Variants in TMEM108 observed in about 807,000 individuals in gnomAD.
TMEM108 encodes the protein transmembrane protein 108.
In TMEM108, 12 loss-of-function variants were observed where a neutral mutation model predicts 35.1. The observed-to-expected ratio is 0.34, with a 90% confidence interval of 0.22 to 0.55. The LOEUF (loss-of-function observed/expected upper bound fraction) is 0.55. Among genes scored for constraint, TMEM108 ranks in the 20% least tolerant of loss-of-function variants. The pLI, the probability that TMEM108 is intolerant of heterozygous loss-of-function variation, is 0.89. For synonymous variants in TMEM108, 287 were observed against 308.6 expected, an observed-to-expected ratio of 0.93 and a Z score of 0.73; for missense variants, 680 against 753.3, an observed-to-expected ratio of 0.90 and a Z score of 1.14.
At chr3:133,091,298 C>CT (rs1300457766) in intron 2 of TMEM108, among the ~76,000 whole-genome samples, 2 of 152,102 alleles carry the variant, frequency 1.3e-5, no homozygotes, top group Admixed American at 6.5e-5. Flanking sequence ...TTACAGGGAT[C>CT]TTCTGTTCAG....
intron 2 of TMEM108, among the ~76,000 whole-genome samples, chr3:133,053,281 T>G (rs1943428256): frequency 6.6e-6 from 1 of 152,202 alleles, no homozygotes; most frequent in African/African-American, 2.4e-5. Context: ...AAGTAGACTC[T>G]TGTCTACATG....
chr3:133,288,639 G>A (rs889570794), intron 3 of TMEM108, among the ~76,000 whole-genome samples: 12 of 152,150 alleles, frequency 7.9e-5, no homozygotes, highest in African/African-American at 1.4e-4. Flanking sequence ...CTGCAGAGGA[G>A]GCATTGAGTG....
At chr3:133,314,673 T>C (rs1350349133) in intron 3 of TMEM108, among the ~76,000 whole-genome samples, 2 of 152,212 alleles carry the variant, frequency 1.3e-5, no homozygotes, top group Admixed American at 1.3e-4. Context: ...TATGATTGTT[T>C]GGGATCTGCT....
At chr3:133,345,887 A>G (rs1472135040) in intron 3 of TMEM108, among the ~76,000 whole-genome samples, 2 of 151,988 alleles carry the variant, frequency 1.3e-5, no homozygotes, top group Non-Finnish European at 2.9e-5. Context: ...GGAGTAATAC[A>G]GTATGTAGCC....
intron 2 of TMEM108, among the ~76,000 whole-genome samples, chr3:133,180,490 A>T (rs1559859517): frequency 6.6e-6 from 1 of 152,116 alleles, no homozygotes; most frequent in Non-Finnish European, 1.5e-5. Flanking sequence ...TTAGCATTCT[A>T]GTCTTAAATA....
At chr3:133,077,465 C>A (rs1439059738) in intron 2 of TMEM108, among the ~76,000 whole-genome samples, 1 of 152,042 alleles carries the variant, frequency 6.6e-6, no homozygotes. Context: ...CCCTGGAACA[C>A]CCATTTCAGT....
intron 2 of TMEM108, among the ~76,000 whole-genome samples, chr3:133,222,502 C>G (rs1490719165): frequency 6.6e-6 from 1 of 151,984 alleles, no homozygotes; most frequent in Non-Finnish European, 1.5e-5. Flanking sequence ...CTTAACCCTC[C>G]TATAATTCAA....
intron 3 of TMEM108, among the ~76,000 whole-genome samples, chr3:133,245,287 A>G (rs1296298997): frequency 6.6e-6 from 1 of 152,136 alleles, no homozygotes; most frequent in African/African-American, 2.4e-5. Context: ...TGTGCATGCT[A>G]GGATGTCCTC....
chr3:133,394,028 C>A (rs1197303), intron 5 of TMEM108, among the ~76,000 whole-genome samples: 144,626 of 152,272 alleles, frequency 0.95, 68,886 homozygotes, highest in East Asian at 0.99. Context: ...CCCAGCAAGC[C>A]GTTCCTCTTG....
At chr3:133,169,976 A>G (rs1199969274) in intron 2 of TMEM108, among the ~76,000 whole-genome samples, 1 of 152,208 alleles carries the variant, frequency 6.6e-6, no homozygotes, top group Admixed American at 6.5e-5. Flanking sequence ...TCTTGGGTTC[A>G]TTAACAATGC....
At chr3:133,248,339 A>G (rs1241048887) in intron 3 of TMEM108, 1 of 152,196 alleles carries the variant, frequency 6.6e-6, no homozygotes, top group Non-Finnish European at 1.5e-5. Flanking sequence ...GTTATGCCTA[A>G]AATCCTAGAA....
chr3:133,345,596 C>A (rs1325994136), intron 3 of TMEM108, among the ~76,000 whole-genome samples: 1 of 151,580 alleles, frequency 6.6e-6, no homozygotes, highest in East Asian at 1.9e-4. Flanking sequence ...AAAGTAATAC[C>A]AGATTATTAT....
chr3:133,316,523 T>C (rs1459523132), intron 3 of TMEM108, among the ~76,000 whole-genome samples: 1 of 152,200 alleles, frequency 6.6e-6, no homozygotes, highest in African/African-American at 2.4e-5. Flanking sequence ...TTATGCCTAG[T>C]GCTTGTCGAA....
At chr3:133,205,555 G>A (rs188761171) in intron 2 of TMEM108, among the ~76,000 whole-genome samples, 14 of 152,098 alleles carry the variant, frequency 9.2e-5, no homozygotes, top group Admixed American at 5.9e-4. Context: ...TTTCTCCTTC[G>A]CTTCTGAAGC....
chr3:133,379,887 G>C lies in TMEM108; in HGVS notation c.176G>C (p.Arg59Thr), dbSNP rs774086467. The change falls in exon 4 of 6, where the codon AGA becomes ACA. Residue 59 changes from arginine to threonine, a missense_variant. Around this residue, in one of 3 missense-constraint regions of TMEM108, gnomAD observed 49 missense variants for 70.6 expected, o/e 0.69. Coordinates refer to ENST00000321871, the MANE Select transcript of TMEM108 (RefSeq NM_023943.4). ...TMVTAPHSST[R>T]HTSVVMLTPN... ...GTGACAGCACCCCACAGCTCTACCAGACATACTTCTGTGGTGATGCTGACC... is the reference window on the plus strand; with the variant it reads ...GTGACAGCACCCCACAGCTCTACCACACATACTTCTGTGGTGATGCTGACC... The C allele has an allele frequency of 4.3e-6, 7 of 1,613,710 alleles. No homozygotes were observed. The Admixed American group carries it at 5.0e-5, about 12-fold the overall frequency.
intron 3 of TMEM108, among the ~76,000 whole-genome samples, chr3:133,285,746 C>A (rs1162727157): frequency 6.6e-6 from 1 of 152,186 alleles, no homozygotes; most frequent in Non-Finnish European, 1.5e-5. Flanking sequence ...CTTTTTCCTG[C>A]AAGAGCTAGA....
At chr3:133,345,342 G>C (rs1401877416) in intron 3 of TMEM108, among the ~76,000 whole-genome samples, 1 of 151,744 alleles carries the variant, frequency 6.6e-6, no homozygotes, top group African/African-American at 2.4e-5. Flanking sequence ...AAATATTACA[G>C]AAAAATTATT....
intron 2 of TMEM108, among the ~76,000 whole-genome samples, chr3:133,055,771 T>C (rs867090346): frequency 1.2e-4 from 19 of 152,282 alleles, no homozygotes; most frequent in South Asian, 1.0e-3. Context: ...GCACACCCCT[T>C]TAGAGGGCCC....
chr3:133,094,189 G>A (rs1943982157), intron 2 of TMEM108, among the ~76,000 whole-genome samples: 1 of 150,330 alleles, frequency 6.7e-6, no homozygotes, highest in Non-Finnish European at 1.5e-5. Flanking sequence ...CTCAATGTGA[G>A]TCATTCTTTC....
Sources: gnomAD v4.1 joint callset for allele counts (sites outside exome capture counted in the v4.1 genomes callset) on GRCh38, gnomAD v4.1.1 for gene constraint, gnomAD v4.1.1 regional missense constraint, MANE v1.5 for transcripts, NCBI Gene and HGNC (gene_info 2026-07-23, HGNC 2026-07-21) for gene names.